Variants in DGKB observed in about 807,000 individuals in gnomAD.
DGKB encodes the protein 90 kDa diacylglycerol kinase.
In DGKB, 67 loss-of-function variants were observed where a neutral mutation model predicts 114.3. The observed-to-expected ratio is 0.59, with a 90% CI of 0.48 to 0.72. The LOEUF (loss-of-function observed/expected upper bound fraction) is 0.72. Among genes scored for constraint, DGKB ranks in the 30% least tolerant of loss-of-function variants. The pLI, the probability that DGKB is intolerant of heterozygous loss-of-function variation, is 0.00. For missense variants in DGKB, 907 were observed against 975.2 expected, an observed-to-expected ratio of 0.93 and a Z score of 0.93; for synonymous variants, 398 against 323.1, an observed-to-expected ratio of 1.23 and a Z score of -2.49.
At chr7:14,760,276 T>A (rs1287989232) in intron 2 of DGKB, among the ~76,000 whole-genome samples, 4 of 152,156 alleles carry the variant, frequency 2.6e-5, no homozygotes, top group African/African-American at 9.7e-5. Flanking sequence ...TGGAGGTTGT[T>A]CTCGGGCAGA....
chr7:14,631,944 C>A (rs796398716), intron 13 of DGKB, among the ~76,000 whole-genome samples: 15 of 152,062 alleles, frequency 9.9e-5, no homozygotes, highest in African/African-American at 3.6e-4. Context: ...GACTCTCAAG[C>A]AACCAAAATA....
chr7:14,941,660 A>T (rs1785579352), intron 1 of DGKB, among the ~76,000 whole-genome samples: 1 of 152,070 alleles, frequency 6.6e-6, no homozygotes. Flanking sequence ...AAATGTAAAA[A>T]CCAATCGATC....
At position 14,215,096 on chromosome 7, in the gene DGKB, G is replaced by A. The variant is rs1362270232; in HGVS notation, c.2123-36945C>T. On this transcript the variant is annotated intron_variant, in intron 23 of 25. Coordinates refer to ENST00000402815, the MANE Select transcript of DGKB (RefSeq NM_001350709.2). ...CAAATGAACAGACAAAAGCATGAAC[G>A]CAATGATTATGACCGGAGGCAGCAG... Among the ~76,000 whole-genome samples, 3 of 152,142 alleles carry A rather than the reference G, an allele frequency of 2.0e-5. No homozygotes were observed. The East Asian group carries it at 5.8e-4, about 29-fold the overall frequency.
intron 20 of DGKB, among the ~76,000 whole-genome samples, chr7:14,570,217 G>A (rs1798171024): frequency 6.6e-6 from 1 of 151,414 alleles, no homozygotes; most frequent in African/African-American, 2.4e-5. Context: ...TTTTCAATAG[G>A]TCTGATTAAC....
chr7:14,516,966 A>G (rs1029774440), intron 20 of DGKB, among the ~76,000 whole-genome samples: 1 of 152,158 alleles, frequency 6.6e-6, no homozygotes, highest in Non-Finnish European at 1.5e-5. Flanking sequence ...TTTTAAATTC[A>G]TACAGAACCA....
intron 13 of DGKB, among the ~76,000 whole-genome samples, chr7:14,658,209 T>A (rs1235332597): frequency 6.6e-6 from 1 of 151,912 alleles, no homozygotes; most frequent in African/African-American, 2.4e-5. Context: ...TAGCCAAGTT[T>A]TCAGAGTTAC....
At chr7:14,441,836 G>A (rs916493040) in intron 21 of DGKB, among the ~76,000 whole-genome samples, 9 of 151,586 alleles carry the variant, frequency 5.9e-5, no homozygotes, top group African/African-American at 2.2e-4. Flanking sequence ...TTTTATATAT[G>A]TTCTCCTTTG....
chr7:14,875,090 G>C (rs1386580931), intron 1 of DGKB, among the ~76,000 whole-genome samples: 1 of 151,956 alleles, frequency 6.6e-6, no homozygotes, highest in East Asian at 1.9e-4. Flanking sequence ...AGATGTGATG[G>C]AGCTAAGATG....
At chr7:14,189,039 T>A (rs1202098502) in intron 23 of DGKB, among the ~76,000 whole-genome samples, 1 of 151,868 alleles carries the variant, frequency 6.6e-6, no homozygotes. Flanking sequence ...CACTTGAGAG[T>A]GCTACAAATG....
At chr7:14,815,119 T>C (rs1217543834) in intron 2 of DGKB, 1 of 152,152 alleles carries the variant, frequency 6.6e-6, no homozygotes, top group Non-Finnish European at 1.5e-5. Flanking sequence ...CATGTTCCAC[T>C]TTGTTTTTAT....
intron 23 of DGKB, among the ~76,000 whole-genome samples, chr7:14,336,053 T>G (rs1199681636): frequency 6.6e-6 from 1 of 152,200 alleles, no homozygotes; most frequent in Non-Finnish European, 1.5e-5. Context: ...CTATTGCTGT[T>G]TTTATGTCAA....
At chr7:14,522,583 T>C (rs1211277030) in intron 20 of DGKB, among the ~76,000 whole-genome samples, 2 of 152,164 alleles carry the variant, frequency 1.3e-5, no homozygotes, top group Non-Finnish European at 2.9e-5. Context: ...CCTGTCCTGG[T>C]TGAACTACCA....
At chr7:14,396,218 T>C (rs1195345424) in intron 21 of DGKB, among the ~76,000 whole-genome samples, 2 of 152,124 alleles carry the variant, frequency 1.3e-5, no homozygotes, top group African/African-American at 4.8e-5. Context: ...CACATTTTTT[T>C]CTAAATTTTA....
intron 13 of DGKB, among the ~76,000 whole-genome samples, chr7:14,662,551 T>A (rs7807865): frequency 0.67 from 102,065 of 151,732 alleles, 34,875 homozygotes; most frequent in East Asian, 0.79. Flanking sequence ...ATGTTACTTA[T>A]AATAACAAAA....
Position 14,500,829 on chromosome 7 carries a change from C to T in DGKB, c.1771-22604G>A, listed in dbSNP as rs149888376. Among the ~76,000 whole-genome samples the T allele has an allele frequency of 4.2e-3, 641 of 151,540 alleles. 3 individuals are homozygous for T. Among genetic ancestry groups the T allele is most frequent in the Non-Finnish European group, 6.7e-3 (457 of 67,750 alleles). On this transcript the variant is annotated intron_variant, in intron 20 of 25. Transcript: ENST00000402815. ...AAGAAACAGGACAACTGTTGTATAG[C>T]GGTGAAATATTTAGCAACATTCTTG...
intron 20 of DGKB, among the ~76,000 whole-genome samples, chr7:14,483,189 C>T (rs1418608699): frequency 2.0e-5 from 3 of 152,046 alleles, no homozygotes; most frequent in African/African-American, 7.2e-5. Flanking sequence ...CAGAAGTGAC[C>T]AAGTTGATGA....
intron 1 of DGKB, among the ~76,000 whole-genome samples, chr7:14,969,045 T>C (rs765613016): frequency 2.0e-5 from 3 of 152,218 alleles, no homozygotes; most frequent in Non-Finnish European, 2.9e-5. Context: ...ACCAGCATTA[T>C]GCTATTTGTA....
chr7:14,561,267 C>G (rs975173976), intron 20 of DGKB, among the ~76,000 whole-genome samples: 1 of 152,126 alleles, frequency 6.6e-6, no homozygotes, highest in Admixed American at 6.6e-5. Flanking sequence ...CTTTGTTCCT[C>G]CTTTTCTTTC....
intron 1 of DGKB, among the ~76,000 whole-genome samples, chr7:14,844,140 G>C (rs1254282738): frequency 6.6e-6 from 1 of 152,228 alleles, no homozygotes; most frequent in Non-Finnish European, 1.5e-5. Flanking sequence ...TGGCCAATGA[G>C]ATGTAAGTAG....
Sources: allele counts gnomAD v4.1 joint callset (sites outside exome capture counted in the v4.1 genomes callset), GRCh38; gene constraint gnomAD v4.1.1; transcripts MANE v1.5; gene names NCBI Gene and HGNC (gene_info 2026-07-23, HGNC 2026-07-21).